Variants in DCAF8 observed in about 807,000 individuals in gnomAD.
The protein encoded by DCAF8 is DDB1- and CUL4-associated factor 8.
DCAF8 carries 20 observed loss-of-function variants against 68.0 expected under a neutral mutation model. The observed-to-expected ratio is 0.29, with a 90% CI of 0.21 to 0.43. The LOEUF (loss-of-function observed/expected upper bound fraction) is 0.43, where lower values mean the gene tolerates loss of function less well. DCAF8 is among the 20% of genes least tolerant of loss of function. The pLI, the probability that DCAF8 is intolerant of heterozygous loss-of-function variation, is 1.00. For synonymous variants in DCAF8, 230 were observed against 276.9 expected (o/e 0.83, Z 1.68); for missense variants, 460 against 771.0 (o/e 0.60, Z 4.78).
chr1:160,246,449 G>C (rs902304366), intron 2 of DCAF8, among the ~76,000 whole-genome samples: 1 of 152,210 alleles, frequency 6.6e-6, no homozygotes, highest in Non-Finnish European at 1.5e-5. Flanking sequence ...GGATACTCTA[G>C]AGCAGTGGTC....
intron 4 of DCAF8, 39 bp downstream of exon 4, chr1:160,239,658 C>T (rs1349913534): frequency 6.2e-7 from 1 of 1,614,192 alleles, no homozygotes; most frequent in Non-Finnish European, 8.5e-7. Flanking sequence ...CTAACTCATG[C>T]CTGATTCTCT....
At chr1:160,245,335 T>C (rs1656278554) in intron 2 of DCAF8, among the ~76,000 whole-genome samples, 1 of 152,194 alleles carries the variant, frequency 6.6e-6, no homozygotes, top group African/African-American at 2.4e-5. Flanking sequence ...CAAAAGGCAC[T>C]AGTAAAAGAC....
At chr1:160,257,246 C>T (rs904380302) in intron 2 of DCAF8, among the ~76,000 whole-genome samples, 1 of 151,386 alleles carries the variant, frequency 6.6e-6, no homozygotes, top group Non-Finnish European at 1.5e-5. Flanking sequence ...AGCAGATTAT[C>T]TTAGCTCACT....
At position 160,238,596 on chromosome 1, in the gene DCAF8, G is replaced by T. The variant is rs749847767; in HGVS notation, c.864+11C>A. On this transcript the variant is annotated intron_variant, in intron 5 of 13. Coordinates refer to ENST00000368074, the MANE Select transcript of DCAF8 (RefSeq NM_015726.4). ...TGGATTGCACAAATTTTGGAGCAAG[G>T]TCTTACTTACCTTGTGGGACGCTCC... is the stretch of plus-strand genomic sequence containing the variant. 27 of 1,593,190 alleles carry T rather than the reference G, an allele frequency of 1.7e-5. No homozygotes were observed. The South Asian group carries it at 3.1e-4, about 18-fold the overall frequency.
At chr1:160,244,088 A>C in intron 2 of DCAF8, 54 bp from the exon 3 acceptor site, 2 of 1,290,602 alleles carry the variant, frequency 1.5e-6, no homozygotes, top group Non-Finnish European at 2.3e-6. Context: ...CTGGGAAAGA[A>C]GACAATAGGG....
At chr1:160,251,499 G>A (rs1656592215) in intron 2 of DCAF8, among the ~76,000 whole-genome samples, 1 of 151,904 alleles carries the variant, frequency 6.6e-6, no homozygotes, top group Admixed American at 6.6e-5. Context: ...TTTTAAGACA[G>A]GGTCTCGCTG....
At chr1:160,238,791 G>C in intron 4 of DCAF8, 44 bp from the exon 5 acceptor site, 4 of 1,551,728 alleles carry the variant, frequency 2.6e-6, no homozygotes, top group Non-Finnish European at 3.5e-6. Context: ...AAAGAAATGA[G>C]AGAGGTAAAC....
At chr1:160,233,278 G>A (rs1304189392) in intron 6 of DCAF8, among the ~76,000 whole-genome samples, 1 of 152,198 alleles carries the variant, frequency 6.6e-6, no homozygotes, top group African/African-American at 2.4e-5. Flanking sequence ...ACCAGGTGTA[G>A]TGGCTCATGC....
chr1:160,244,938 G>C (rs1301213046), intron 2 of DCAF8, among the ~76,000 whole-genome samples: 4 of 152,136 alleles, frequency 2.6e-5, no homozygotes, highest in Admixed American at 2.6e-4. Flanking sequence ...TAAAGGCACA[G>C]ATACTAAGGA....
chr1:160,221,557 G>A (rs1230311292), intron 11 of DCAF8, among the ~76,000 whole-genome samples: 1 of 152,116 alleles, frequency 6.6e-6, no homozygotes, highest in Non-Finnish European at 1.5e-5. Context: ...TGATTGCAAA[G>A]AACCATTCTA....
intron 2 of DCAF8, among the ~76,000 whole-genome samples, chr1:160,254,843 G>A (rs1213981283): frequency 6.6e-6 from 1 of 152,058 alleles, no homozygotes; most frequent in East Asian, 1.9e-4. Flanking sequence ...TGTTATGAAA[G>A]AAAGAAAAGG....
Position 160,240,369 on chromosome 1 carries a change from T to C in DCAF8, c.51A>G (p.Gly17=), listed in dbSNP as rs1042862254. ...STDGRTDLAN[G]SLSSSPEEMS... is the part of the protein sequence containing the mutation. ...TCTCCTCTGGACTGCTAGACAGGCT[T>C]CCTGCATGTTAGTGAGGAAGGAGTA... The change falls in exon 4 of 14, where the codon GGA becomes GGG. Residue 17 remains glycine, a splice_region_variant and synonymous_variant. Transcript: ENST00000368074. 1.9e-5 allele frequency: 31 copies of C among 1,604,446 alleles called. 1 individual carries two copies.
chr1:160,262,414 G>A lies in DCAF8; in HGVS notation c.-101+35C>T, dbSNP rs375384944. 3.1e-4 allele frequency: 123 copies of A among 400,716 alleles called. 2 individuals are homozygous for A. The South Asian group carries it at 6.7e-3, about 22-fold the overall frequency. 24.8% of individuals were successfully genotyped at this position (400,716 alleles called of 1,614,324 possible). ...CGACTGTTCCAGGCCCAGCCGCCCC[G>A]TCCACTGCCACCACCAACGCCGCCG... On this transcript the variant is annotated intron_variant, in intron 1 of 13. Coordinates refer to ENST00000368074, the MANE Select transcript of DCAF8 (RefSeq NM_015726.4).
chr1:160,241,647 A>T (rs1054030115), intron 3 of DCAF8, among the ~76,000 whole-genome samples: 1 of 152,188 alleles, frequency 6.6e-6, no homozygotes, highest in Non-Finnish European at 1.5e-5. Flanking sequence ...AAAAAAGGGG[A>T]GAATAAAGAT....
At chr1:160,219,150 A>G in intron 11 of DCAF8, 182 bp from the exon 12 acceptor site, 2 of 719,988 alleles carry the variant, frequency 2.8e-6, no homozygotes, top group South Asian at 1.9e-5. Context: ...CCAGACACAG[A>G]CTGGGTATAA....
intron 12 of DCAF8, 52 bp from the exon 13 acceptor site, chr1:160,218,492 G>A (rs1256823631): frequency 2.2e-6 from 3 of 1,358,210 alleles, no homozygotes; most frequent in Non-Finnish European, 3.2e-6. Context: ...AGGAACCCGG[G>A]ACCTGATCAA....
intron 2 of DCAF8, among the ~76,000 whole-genome samples, chr1:160,254,417 C>A (rs1478552431): frequency 6.6e-6 from 1 of 152,046 alleles, no homozygotes; most frequent in Non-Finnish European, 1.5e-5. Flanking sequence ...TTCCTACTGT[C>A]ATTTGAATAA....
At chr1:160,223,220 G>A (rs1217931299) in intron 10 of DCAF8, among the ~76,000 whole-genome samples, 1 of 152,200 alleles carries the variant, frequency 6.6e-6, no homozygotes, top group Non-Finnish European at 1.5e-5. Flanking sequence ...ACTGCCTCGA[G>A]AAGCAAGTGA....
At chr1:160,235,739 GA>G (rs1413709867) in intron 6 of DCAF8, among the ~76,000 whole-genome samples, 1 of 151,062 alleles carries the variant, frequency 6.6e-6, no homozygotes, top group African/African-American at 2.4e-5. Context: ...TACTTACAAT[GA>G]TTTTTTTTTT....
Sources: gnomAD v4.1 joint callset for allele counts (sites outside exome capture counted in the v4.1 genomes callset) on GRCh38, gnomAD v4.1.1 for gene constraint, MANE v1.5 for transcripts, NCBI Gene and HGNC (gene_info 2026-07-23, HGNC 2026-07-21) for gene names.